Variants in SLC9A9 observed in about 807,000 individuals in gnomAD.
The protein encoded by SLC9A9 is solute carrier family 9 member A9, also known as sodium/hydrogen exchanger 9.
Under a neutral mutation model 77.8 loss-of-function variants are expected in SLC9A9, and 62 were observed. That is an observed-to-expected ratio of 0.80 (90% CI 0.65 to 0.98). SLC9A9 has a LOEUF of 0.98. Ranked by LOEUF, SLC9A9 falls within the 50% of genes least tolerant of loss-of-function variation. The pLI, the probability that SLC9A9 is intolerant of heterozygous loss-of-function variation, is 0.00. For missense variants in SLC9A9, 775 were observed against 774.9 expected (o/e 1.00, Z 0.00); for synonymous variants, 320 against 283.5 (o/e 1.13, Z -1.29).
intron 1 of SLC9A9, among the ~76,000 whole-genome samples, chr3:143,839,803 G>A (rs1051183334): frequency 1.3e-5 from 2 of 152,212 alleles, no homozygotes; most frequent in Non-Finnish European, 2.9e-5. Context: ...CTAACTAGAC[G>A]TATACTGAAT....
chr3:143,848,005 T>TTACG (rs2009865006), intron 1 of SLC9A9, 143 bp downstream of exon 1: 10 of 881,076 alleles, frequency 1.1e-5, no homozygotes, highest in Non-Finnish European at 1.8e-5. Context: ...TTAGCATTCG[T>TTACG]TACGCTGCAG....
intron 4 of SLC9A9, among the ~76,000 whole-genome samples, chr3:143,763,453 G>A (rs1257582494): frequency 6.6e-6 from 1 of 152,144 alleles, no homozygotes; most frequent in Admixed American, 6.5e-5. Flanking sequence ...AATAATTGAT[G>A]TGTTATTTTG....
intron 12 of SLC9A9, among the ~76,000 whole-genome samples, chr3:143,443,156 G>T (rs2108546317): frequency 6.6e-6 from 1 of 152,152 alleles, no homozygotes; most frequent in African/African-American, 2.4e-5. Flanking sequence ...AACAGATTAG[G>T]GCTTGGGGGT....
chr3:143,657,062 T>C (rs2038902722), intron 5 of SLC9A9, among the ~76,000 whole-genome samples: 1 of 152,154 alleles, frequency 6.6e-6, no homozygotes, highest in Non-Finnish European at 1.5e-5. Context: ...GGCTGAAATA[T>C]GGGAATTATT....
At chr3:143,302,294 T>G (rs1159416348) in intron 14 of SLC9A9, among the ~76,000 whole-genome samples, 1 of 152,148 alleles carries the variant, frequency 6.6e-6, no homozygotes, top group Non-Finnish European at 1.5e-5. Flanking sequence ...TTTTCTTCAC[T>G]AGCACTCAGC....
At chr3:143,304,201 G>A (rs1447553131) in intron 14 of SLC9A9, among the ~76,000 whole-genome samples, 3 of 152,126 alleles carry the variant, frequency 2.0e-5, no homozygotes, top group Non-Finnish European at 2.9e-5. Flanking sequence ...AATTATTTCA[G>A]TATTTCTCCT....
intron 12 of SLC9A9, among the ~76,000 whole-genome samples, chr3:143,393,764 A>G (rs1102958): frequency 0.85 from 128,394 of 151,004 alleles, 54,881 homozygotes; most frequent in African/African-American, 0.93. Context: ...AATGATAAAG[A>G]GGATATCACC....
At chr3:143,313,890 A>G (rs2031110822) in intron 14 of SLC9A9, among the ~76,000 whole-genome samples, 4 of 152,122 alleles carry the variant, frequency 2.6e-5, no homozygotes, top group Admixed American at 2.6e-4. Context: ...CCTCAATTTC[A>G]CAATGGGCAG....
Position 143,330,654 on chromosome 3 carries a change from C to T in SLC9A9, c.1604+32830G>A, listed in dbSNP as rs149786700. ...TCTGTTCCTAACAGAAGTGACATAT[C>T]CCATTGTCTTGTTTCCACAATGCTT... On this transcript the variant is annotated intron_variant, in intron 14 of 15. Coordinates refer to ENST00000316549, the MANE Select transcript of SLC9A9 (RefSeq NM_173653.4). Among the ~76,000 whole-genome samples the T allele has an allele frequency of 4.3e-3, 651 of 152,286 alleles. 1 individual carries two copies. Among genetic ancestry groups the T allele is most frequent in the Non-Finnish European group, 6.9e-3 (469 of 68,022 alleles).
chr3:143,741,625 T>C (rs1205327527), intron 4 of SLC9A9, among the ~76,000 whole-genome samples: 1 of 152,104 alleles, frequency 6.6e-6, no homozygotes, highest in African/African-American at 2.4e-5. Flanking sequence ...AAATCGTAAC[T>C]CTACAGTGGA....
intron 11 of SLC9A9, among the ~76,000 whole-genome samples, chr3:143,475,492 G>A (rs2035459090): frequency 6.6e-6 from 1 of 151,620 alleles, no homozygotes; most frequent in African/African-American, 2.4e-5. Context: ...TCATTTTTGT[G>A]TTTAAAAGTA....
At chr3:143,375,139 T>C (rs891194314) in intron 13 of SLC9A9, among the ~76,000 whole-genome samples, 2 of 152,228 alleles carry the variant, frequency 1.3e-5, no homozygotes, top group African/African-American at 2.4e-5. Context: ...CACATTCAAG[T>C]ACACACGGAA....
chr3:143,309,417 CAAAAA>C (rs10569058), intron 14 of SLC9A9, among the ~76,000 whole-genome samples: 3 of 137,296 alleles, frequency 2.2e-5, no homozygotes, highest in Admixed American at 7.2e-5. Flanking sequence ...AACAGAAAAG[CAAAAA>C]AAAAAAAAAA....
At chr3:143,630,341 C>T (rs1234648592) in intron 6 of SLC9A9, among the ~76,000 whole-genome samples, 1 of 152,184 alleles carries the variant, frequency 6.6e-6, no homozygotes, top group Non-Finnish European at 1.5e-5. Context: ...GTCTCAAGAA[C>T]TGCAGAGCTG....
At chr3:143,521,172 A>T (rs1384554598) in intron 9 of SLC9A9, among the ~76,000 whole-genome samples, 1 of 152,218 alleles carries the variant, frequency 6.6e-6, no homozygotes, top group African/African-American at 2.4e-5. Flanking sequence ...AATGATAAAG[A>T]CTGTCTTCTA....
intron 4 of SLC9A9, among the ~76,000 whole-genome samples, chr3:143,719,819 A>G (rs1461841424): frequency 1.3e-5 from 2 of 152,166 alleles, no homozygotes; most frequent in African/African-American, 4.8e-5. Context: ...TGCAGATCAA[A>G]CATGTAATAC....
intron 14 of SLC9A9, among the ~76,000 whole-genome samples, chr3:143,343,126 A>G (rs2108465940): frequency 6.6e-6 from 1 of 152,316 alleles, no homozygotes; most frequent in African/African-American, 2.4e-5. Context: ...TTAGACACCC[A>G]GAGGAGGAGA....
At chr3:143,295,929 G>T (rs74820060) in intron 14 of SLC9A9, among the ~76,000 whole-genome samples, 1 of 136,762 alleles carries the variant, frequency 7.3e-6, no homozygotes, top group African/African-American at 2.8e-5. Context: ...AGAAATGAGG[G>T]CCCCCATACT....
intron 7 of SLC9A9, among the ~76,000 whole-genome samples, chr3:143,576,564 C>T (rs1365610594): frequency 6.6e-6 from 1 of 152,162 alleles, no homozygotes; most frequent in Non-Finnish European, 1.5e-5. Flanking sequence ...TGCTGTTACT[C>T]ACTCTAAACA....
Sources: allele counts gnomAD v4.1 joint callset (sites outside exome capture counted in the v4.1 genomes callset), GRCh38; gene constraint gnomAD v4.1.1; transcripts MANE v1.5; gene names NCBI Gene and HGNC (gene_info 2026-07-23, HGNC 2026-07-21).